Variants in RNF38 observed in about 807,000 individuals in gnomAD.
RNF38 encodes E3 ubiquitin-protein ligase RNF38.
A neutral mutation model predicts 67.2 loss-of-function variants in RNF38; 15 were observed. That is an observed-to-expected ratio of 0.22 (90% CI 0.15 to 0.34). RNF38 has a LOEUF of 0.34. Among genes scored for constraint, RNF38 ranks in the 10% least tolerant of loss-of-function variants. The probability of loss-of-function intolerance (pLI) is 1.00; values close to 1 mark genes in which losing one functional copy is unlikely to be tolerated. For synonymous variants in RNF38, 220 were observed against 218.8 expected (o/e 1.01, Z -0.05); for missense variants, 524 against 639.9 (o/e 0.82, Z 1.95).
upstream of RNF38, among the ~76,000 whole-genome samples, chr9:36,401,452 A>G (rs1838030451): frequency 6.6e-6 from 1 of 152,192 alleles, no homozygotes; most frequent in African/African-American, 2.4e-5. Flanking sequence ...CTTACAGCAT[A>G]AATGCATTCA....
intron 2 of RNF38, among the ~76,000 whole-genome samples, chr9:36,383,797 T>G (rs955480807): frequency 6.6e-6 from 1 of 151,930 alleles, no homozygotes; most frequent in Admixed American, 6.6e-5. Flanking sequence ...TGCTCTTTGA[T>G]ACGTGCCAAG....
intron 1 of RNF38, among the ~76,000 whole-genome samples, chr9:36,393,236 CT>C (rs1239783093): frequency 6.6e-6 from 1 of 152,070 alleles, no homozygotes; most frequent in African/African-American, 2.4e-5. Context: ...ATCTTAAGAT[CT>C]TGGTCATAGA....
rs754882232 is a variant in RNF38, at chr9:36,400,139, T to G, written c.-31A>C. On this transcript the variant is annotated 5_prime_UTR_variant, in exon 1 of 12. Transcript: ENST00000259605. ...CGTAAACAAAAACTTTATTTCTTTT[T>G]GGACCTCAATAACCTGAAACACTCC... The G allele has an allele frequency of 6.2e-6, 10 of 1,611,844 alleles. No homozygotes were observed. The highest frequency in any genetic ancestry group is 8.5e-6 in the Non-Finnish European group (10 of 1,179,000).
intron 2 of RNF38, among the ~76,000 whole-genome samples, chr9:36,421,364 T>C: frequency 6.6e-6 from 1 of 152,160 alleles, no homozygotes; most frequent in East Asian, 1.9e-4. Flanking sequence ...AAGTTTATTT[T>C]TTTTTAAAGC....
intron 1 of RNF38, among the ~76,000 whole-genome samples, chr9:36,453,573 G>A (rs571858860): frequency 1.1e-4 from 17 of 152,080 alleles, no homozygotes; most frequent in African/African-American, 3.9e-4. Context: ...TAGTAGAGAC[G>A]GGGTTTCACC....
At chr9:36,389,139 A>AT (rs1836874792) in intron 2 of RNF38, among the ~76,000 whole-genome samples, 1 of 152,142 alleles carries the variant, frequency 6.6e-6, no homozygotes, top group Non-Finnish European at 1.5e-5. Context: ...CAAGGAAAAT[A>AT]AGGCTTAAGT....
chr9:36,364,476 T>C (rs192753491), intron 4 of RNF38, among the ~76,000 whole-genome samples: 4 of 152,276 alleles, frequency 2.6e-5, no homozygotes, highest in African/African-American at 7.2e-5. Flanking sequence ...AAAGATATAG[T>C]AAAAATATGG....
intron 1 of RNF38, among the ~76,000 whole-genome samples, chr9:36,425,569 C>T (rs1202741033): frequency 6.6e-6 from 1 of 152,114 alleles, no homozygotes; most frequent in Non-Finnish European, 1.5e-5. Context: ...TGGCGCACCC[C>T]TGTAATCCCA....
chr9:36,426,222 TTAAAG>T (rs1293814790), intron 1 of RNF38, among the ~76,000 whole-genome samples: 1 of 152,194 alleles, frequency 6.6e-6, no homozygotes, highest in Non-Finnish European at 1.5e-5. Context: ...TATCTATTAT[TTAAAG>T]TATACAATTC....
chr9:36,431,092 G>A (rs1587125563), intron 1 of RNF38, among the ~76,000 whole-genome samples: 1 of 152,282 alleles, frequency 6.6e-6, no homozygotes, highest in Admixed American at 6.5e-5. Context: ...CACAACTTTT[G>A]TCAGTTTGGC....
chr9:36,372,169 T>TC (rs554706835), intron 3 of RNF38, among the ~76,000 whole-genome samples: 56 of 152,286 alleles, frequency 3.7e-4, no homozygotes, highest in Admixed American at 1.2e-3. Context: ...GACCTTGTGA[T>TC]CCGCCCACCT....
chr9:36,363,572 T>G lies in RNF38; in HGVS notation c.571-5630A>C, dbSNP rs555252683. Reference sequence around the variant, plus strand: ...TTCCAACTCACCTACATTCATCAAGTCATATGCCATGTATATATACTCATG... The same window carrying G: ...TTCCAACTCACCTACATTCATCAAGGCATATGCCATGTATATATACTCATG... On this transcript the variant is annotated intron_variant, in intron 4 of 11. Transcript: ENST00000259605. Among the ~76,000 whole-genome samples the G allele has an allele frequency of 5.9e-5, 6 of 101,132 alleles. 3 individuals carry two copies. Among genetic ancestry groups the G allele is most frequent in the African/African-American group, 1.8e-4 (6 of 33,750 alleles). The allele number at this position is 101,132 out of a possible 152,430, so 66.3% of individuals were successfully genotyped here. A position where few individuals can be genotyped will look rare whatever the true frequency, so the allele number is the denominator to read the frequency against.
In RNF38 at chr9:36,400,226, G is replaced by A. The variant is rs1004216568; in HGVS notation, c.-118C>T. On this transcript the variant is annotated 5_prime_UTR_variant, in exon 1 of 12. Coordinates refer to ENST00000259605, the MANE Select transcript of RNF38 (RefSeq NM_022781.5). ...GAAAGGAAGAACTTGCATCCCCTGAGAACAAAACGCAGCCTATCCAGAAAC... is the reference window on the plus strand; with the variant it reads ...GAAAGGAAGAACTTGCATCCCCTGAAAACAAAACGCAGCCTATCCAGAAAC... 1.4e-5 allele frequency: 21 copies of A among 1,468,594 alleles called. No homozygotes were observed. The East Asian group carries it at 2.5e-4, about 17-fold the overall frequency. The allele number at this position is 1,468,594 out of a possible 1,614,324, so 91.0% of individuals were successfully genotyped here.
At chr9:36,428,966 T>C (rs1030953310) in intron 1 of RNF38, among the ~76,000 whole-genome samples, 16 of 152,158 alleles carry the variant, frequency 1.1e-4, no homozygotes, top group African/African-American at 2.7e-4. Context: ...ATTTCTGCAA[T>C]TGCTTAATTC....
chr9:36,400,234 C>A lies in RNF38; in HGVS notation c.-126G>T. ...GAACTTGCATCCCCTGAGAACAAAACGCAGCCTATCCAGAAACCCACGGAA... is the reference window on the plus strand; with the variant it reads ...GAACTTGCATCCCCTGAGAACAAAAAGCAGCCTATCCAGAAACCCACGGAA... On this transcript the variant is annotated 5_prime_UTR_variant, in exon 1 of 12. Coordinates refer to ENST00000259605, the MANE Select transcript of RNF38 (RefSeq NM_022781.5). 6.9e-7 allele frequency: 1 copy of A among 1,440,440 alleles called. No individual in the cohort carries two copies. The highest frequency in any genetic ancestry group is 2.5e-5 in the East Asian group (1 of 39,552). The allele number at this position is 1,440,440 out of a possible 1,614,324, so 89.2% of individuals were successfully genotyped here.
chr9:36,485,785 T>A (rs147362712), intron 1 of RNF38, among the ~76,000 whole-genome samples: 107 of 152,308 alleles, frequency 7.0e-4, no homozygotes, highest in Middle Eastern at 3.4e-3. Flanking sequence ...AATTAATGCA[T>A]TTGTTAATTA....
upstream of RNF38, chr9:36,401,241 A>C: frequency 3.1e-6 from 3 of 975,178 alleles, no homozygotes; most frequent in Non-Finnish European, 3.6e-6. Context: ...GGCCCGGCGC[A>C]CGACTCGGAC....
intron 9 of RNF38, among the ~76,000 whole-genome samples, chr9:36,350,443 C>G (rs1563999536): frequency 6.6e-6 from 1 of 152,212 alleles, no homozygotes; most frequent in Non-Finnish European, 1.5e-5. Context: ...GTAGCAAGCA[C>G]TGAAGGACAA....
At chr9:36,372,343 A>C (rs1025581960) in intron 3 of RNF38, among the ~76,000 whole-genome samples, 2 of 152,216 alleles carry the variant, frequency 1.3e-5, no homozygotes, top group Admixed American at 6.5e-5. Flanking sequence ...GTACTCTAAA[A>C]TTCGATCTTG....
Sources: allele counts gnomAD v4.1 joint callset (sites outside exome capture counted in the v4.1 genomes callset), GRCh38; gene constraint gnomAD v4.1.1; transcripts MANE v1.5; gene names NCBI Gene and HGNC (gene_info 2026-07-23, HGNC 2026-07-21).